DIP2C: variants seen among roughly 807,000 people sequenced by gnomAD.
The protein encoded by DIP2C is disco-interacting protein 2 homolog C.
Under a neutral mutation model 192.4 loss-of-function variants are expected in DIP2C, and 33 were observed. That is an observed-to-expected ratio of 0.17 (90% CI 0.13 to 0.23). The LOEUF is 0.23. Among genes scored for constraint, DIP2C ranks in the 10% least tolerant of loss-of-function variants. The pLI, the probability that DIP2C is intolerant of heterozygous loss-of-function variation, is 1.00. For synonymous variants in DIP2C, 979 were observed against 864.1 expected (o/e 1.13, Z -2.33); for missense variants, 1,537 against 2,110.1 (o/e 0.73, Z 5.32).
At chr10:379,145 C>G (rs968347402) in intron 17 of DIP2C, among the ~76,000 whole-genome samples, 4 of 148,986 alleles carry the variant, frequency 2.7e-5, no homozygotes, top group African/African-American at 9.9e-5. Flanking sequence ...CCTGCTCCCA[C>G]ATACCCATCG....
At chr10:600,532 T>C (rs1588564438) in intron 1 of DIP2C, among the ~76,000 whole-genome samples, 1 of 151,282 alleles carries the variant, frequency 6.6e-6, no homozygotes. Flanking sequence ...ACAAGCCCTG[T>C]CCACCTTAAA....
At chr10:414,166 T>A in intron 7 of DIP2C, 56 bp from the exon 8 acceptor site, 2 of 1,535,010 alleles carry the variant, frequency 1.3e-6, no homozygotes, top group East Asian at 4.5e-5. Flanking sequence ...TTAGCATGGC[T>A]ACTTTTTATT....
intron 1 of DIP2C, among the ~76,000 whole-genome samples, chr10:660,390 T>C (rs1297375368): frequency 1.3e-5 from 2 of 151,782 alleles, no homozygotes; most frequent in Non-Finnish European, 2.9e-5. Flanking sequence ...AAACGGAGAT[T>C]CTAGCCCTTG....
intron 32 of DIP2C, among the ~76,000 whole-genome samples, chr10:290,462 A>C (rs1249047573): frequency 6.6e-6 from 1 of 152,212 alleles, no homozygotes; most frequent in East Asian, 1.9e-4. Context: ...GACCACGGAG[A>C]AGCTCACAGC....
At chr10:575,227 A>C (rs1850077783) in intron 1 of DIP2C, among the ~76,000 whole-genome samples, 1 of 152,214 alleles carries the variant, frequency 6.6e-6, no homozygotes, top group Non-Finnish European at 1.5e-5. Flanking sequence ...TAGAAGACAA[A>C]GTTTATTGTG....
chr10:515,631 G>A (rs1213469912), intron 1 of DIP2C, among the ~76,000 whole-genome samples: 1 of 152,146 alleles, frequency 6.6e-6, no homozygotes, highest in Non-Finnish European at 1.5e-5. Context: ...GCTGAGGCAG[G>A]AAGAACTGCC....
At chr10:610,731 G>C (rs868105963) in intron 1 of DIP2C, among the ~76,000 whole-genome samples, 1 of 151,648 alleles carries the variant, frequency 6.6e-6, no homozygotes, top group African/African-American at 2.4e-5. Context: ...GGCGGTGACT[G>C]ACTCATGGGG....
Position 390,318 on chromosome 10 carries a change from G to A in DIP2C, c.1440C>T (p.Pro480=). ...VTESKHLSKP[P]RDWFPHIKDA... is the part of the protein sequence containing the mutation. ...CTTTAATGTGTGGGAACCAGTCTCG[G>A]GGCGGTTTGGAGAGATGTTTAGACT... is the stretch of plus-strand genomic sequence containing the variant. The change falls in exon 12 of 37, where the codon CCC becomes CCT. Residue 480 remains proline (P), a synonymous_variant. Transcript: ENST00000280886. The A allele has an allele frequency of 6.2e-7, 1 of 1,613,962 alleles. No homozygotes were observed. The highest frequency in any genetic ancestry group is 1.1e-5 in the South Asian group (1 of 91,054).
chr10:292,524 G>T (rs894895677), intron 32 of DIP2C, among the ~76,000 whole-genome samples: 2 of 152,222 alleles, frequency 1.3e-5, no homozygotes, highest in African/African-American at 4.8e-5. Flanking sequence ...CCCTGTCCTT[G>T]AACTGCCCTC....
chr10:380,021 AC>A (rs1962193395), intron 17 of DIP2C, among the ~76,000 whole-genome samples: 2 of 152,062 alleles, frequency 1.3e-5, no homozygotes, highest in East Asian at 1.9e-4. Flanking sequence ...ATGATGGTTA[AC>A]GCACAGAAGA....
chr10:569,934 C>T (rs1000962489), intron 1 of DIP2C, among the ~76,000 whole-genome samples: 1 of 152,198 alleles, frequency 6.6e-6, no homozygotes, highest in Non-Finnish European at 1.5e-5. Context: ...CAGAAATCTA[C>T]AGTGCTTCTG....
rs1201878296 is a variant in DIP2C, at chr10:413,906, G to C, written c.1057+7C>G. ...GGCAAAGGGCAGAGAGTGAGCCTGG[G>C]GATTACCGTAAGTGAGGATGTAGAG... On this transcript the variant is annotated splice_region_variant and intron_variant, in intron 8 of 36. Coordinates refer to ENST00000280886, the MANE Select transcript of DIP2C (RefSeq NM_014974.3). 7 of 1,612,962 alleles carry C rather than the reference G, an allele frequency of 4.3e-6. No homozygotes were observed. Among genetic ancestry groups the C allele is most frequent in the Non-Finnish European group, 5.9e-6 (7 of 1,179,398 alleles).
At chr10:397,364 T>C (rs543995991) in intron 10 of DIP2C, among the ~76,000 whole-genome samples, 3 of 152,182 alleles carry the variant, frequency 2.0e-5, no homozygotes, top group Admixed American at 2.0e-4. Context: ...ACCTCATCTC[T>C]ACTAAAAATA....
chr10:528,269 G>A (rs545127446), intron 1 of DIP2C, among the ~76,000 whole-genome samples: 16 of 152,014 alleles, frequency 1.1e-4, no homozygotes, highest in African/African-American at 3.1e-4. Context: ...CAGTGGCACC[G>A]TCACGCACAC....
intron 1 of DIP2C, among the ~76,000 whole-genome samples, chr10:634,467 G>A (rs1355886606): frequency 6.6e-6 from 1 of 152,212 alleles, no homozygotes. Flanking sequence ...CTCTTCCAGG[G>A]ATGCCAAGTA....
At chr10:498,493 C>T (rs566729767) in intron 1 of DIP2C, among the ~76,000 whole-genome samples, 1 of 152,328 alleles carries the variant, frequency 6.6e-6, no homozygotes, top group East Asian at 1.9e-4. Context: ...ACAGACCCCA[C>T]CAGGACGTGT....
intron 4 of DIP2C, among the ~76,000 whole-genome samples, chr10:433,461 G>A (rs1051057200): frequency 1.3e-5 from 2 of 152,060 alleles, no homozygotes; most frequent in Non-Finnish European, 2.9e-5. Flanking sequence ...ATGATCACCT[G>A]AGGTCAGGAG....
chr10:508,371 C>T (rs111975285), intron 1 of DIP2C, among the ~76,000 whole-genome samples: 1 of 152,336 alleles, frequency 6.6e-6, no homozygotes, highest in South Asian at 2.1e-4. Flanking sequence ...TGCCCTTACT[C>T]CCTTGCTCCC....
chr10:383,885 T>G (rs1428237904), intron 16 of DIP2C, 142 bp downstream of exon 16: 2 of 1,201,582 alleles, frequency 1.7e-6, no homozygotes, highest in Non-Finnish European at 2.2e-6. Flanking sequence ...AGATAAGGAT[T>G]AGAAAAAGAA....
Sources: gnomAD v4.1 joint callset for allele counts (sites outside exome capture counted in the v4.1 genomes callset) on GRCh38, gnomAD v4.1.1 for gene constraint, MANE v1.5 for transcripts, NCBI Gene and HGNC (gene_info 2026-07-23, HGNC 2026-07-21) for gene names.